The following VWDE variants were observed in gnomAD, a reference collection of about 807,000 sequenced individuals.
The protein encoded by VWDE is von Willebrand factor D and EGF domains.
Under a neutral mutation model 178.4 loss-of-function variants are expected in VWDE, and 207 were observed. The ratio of observed to expected loss-of-function variants is 1.16; its 90% CI spans 1.04 to 1.30. The LOEUF (loss-of-function observed/expected upper bound fraction) is 1.30. Among genes scored for constraint, VWDE ranks in the 50% most tolerant of loss-of-function variants. The pLI is 0.00. For synonymous variants in VWDE, 738 were observed against 651.4 expected (o/e 1.13, Z -2.02); for missense variants, 2,287 against 1,901.3 (o/e 1.20, Z -3.77).
chr7:12,362,918 G>C lies in VWDE; in HGVS notation c.2899-1397C>G, dbSNP rs985763261. Among the ~76,000 whole-genome samples, 3 of 152,090 alleles carry C rather than the reference G, an allele frequency of 2.0e-5. 1 individual carries two copies. The South Asian group carries it at 6.2e-4, about 32-fold the overall frequency. On this transcript the variant is annotated intron_variant, in intron 13 of 28. Transcript: ENST00000275358. The stretch of plus-strand genomic sequence containing the variant: ...ATGTACAGTCTCGGTTTCTTGTGCA[G>C]AAAGAAAGCTCCAGCTAATGACTGG...
rs935686076 is a variant in VWDE at position 12,389,280 on chromosome 7, T to C, written c.322A>G (p.Lys108Glu). The change falls in exon 3 of 29, where the codon AAG becomes GAG. Residue 108 changes from lysine to glutamate, a missense_variant. By Grantham distance (56) the Lys-to-Glu change is moderately conservative. Transcript: ENST00000275358. ...SETLPSPGEI[K>E]QLTACATWQF... ...CATGTTGCACAAGCTGTCAATTGCT[T>C]GATCTCCCCAGGAGATGGCAGTGTT... 1.8e-5 allele frequency: 28 copies of C among 1,551,586 alleles called. No individual in the cohort carries two copies. In the Admixed American group the frequency reaches 4.5e-4, roughly 25 times the overall value.
chr7:12,374,970 T>C, intron 8 of VWDE, 40 bp downstream of exon 8: 1 of 1,515,686 alleles, frequency 6.6e-7, no homozygotes, highest in East Asian at 2.5e-5. Flanking sequence ...CATTTCTTCT[T>C]AAAGCTTCAC....
intron 6 of VWDE, among the ~76,000 whole-genome samples, chr7:12,379,008 T>C (rs1365388202): frequency 6.6e-6 from 1 of 152,146 alleles, no homozygotes; most frequent in Non-Finnish European, 1.5e-5. Flanking sequence ...GAATAGCTCT[T>C]CAGTTCTTGG....
intron 19 of VWDE, among the ~76,000 whole-genome samples, chr7:12,348,067 A>G (rs909388571): frequency 9.2e-5 from 14 of 152,172 alleles, no homozygotes; most frequent in Non-Finnish European, 1.9e-4. Flanking sequence ...TTATACAAAA[A>G]TCAATTCAAG....
At chr7:12,337,323 C>G in intron 24 of VWDE, 51 bp from the exon 25 acceptor site, 2 of 1,388,222 alleles carry the variant, frequency 1.4e-6, no homozygotes, top group Non-Finnish European at 2.0e-6. Context: ...CCCATTACTA[C>G]ATATGATACA....
At chr7:12,340,470 T>A (rs1452238493) in intron 23 of VWDE, 53 bp from the exon 24 acceptor site, 3 of 1,378,754 alleles carry the variant, frequency 2.2e-6, no homozygotes, top group South Asian at 1.3e-5. Context: ...ATTTAAAAAA[T>A]GAAAGCTGCA....
At chr7:12,376,321 A>G (rs1457117633) in intron 7 of VWDE, among the ~76,000 whole-genome samples, 4 of 151,012 alleles carry the variant, frequency 2.6e-5, no homozygotes, top group Admixed American at 2.0e-4. Flanking sequence ...TCCCTATGAA[A>G]GTAAAGATTT....
At position 12,344,463 on chromosome 7, in the gene VWDE, C is replaced by A. The variant is rs17165872; in HGVS notation, c.3893G>T (p.Cys1298Phe). 10,553 of 1,546,286 alleles carry A rather than the reference C, an allele frequency of 6.8e-3. 668 individuals carry two copies. The African/African-American group carries it at 0.13, about 19-fold the overall frequency. Residue 1298 changes from cysteine to phenylalanine, a missense_variant, in exon 20 of 29, where the codon TGT becomes TTT. By Grantham distance (205) the Cys-to-Phe change is radical. Coordinates refer to ENST00000275358, the MANE Select transcript of VWDE (RefSeq NM_001135924.3). ...KPTSGNAFTI[C>F]KYPCGKSREC... ...CCTACTTTTTCCACATGGATATTTACAAATGGCTAAAAAAAAATCAAAGAA... is the reference window on the plus strand; with the variant it reads ...CCTACTTTTTCCACATGGATATTTAAAAATGGCTAAAAAAAAATCAAAGAA...
intron 22 of VWDE, 131 bp downstream of exon 22, chr7:12,342,952 G>A (rs1200505052): frequency 1.8e-5 from 10 of 547,382 alleles, no homozygotes; most frequent in Admixed American, 1.4e-4. Context: ...TTGTCCTTGC[G>A]ATAGTTTACA....
intron 27 of VWDE, among the ~76,000 whole-genome samples, chr7:12,335,438 G>A (rs1445000468): frequency 6.6e-6 from 1 of 151,910 alleles, no homozygotes; most frequent in African/African-American, 2.4e-5. Flanking sequence ...GAAATTTAGA[G>A]TGACTATTTT....
intron 19 of VWDE, among the ~76,000 whole-genome samples, chr7:12,347,507 C>A (rs1458414057): frequency 2.0e-5 from 3 of 151,904 alleles, no homozygotes; most frequent in Non-Finnish European, 4.4e-5. Flanking sequence ...TAAAGCCACA[C>A]TAATCAAAAA....
rs548566837 is a variant in VWDE, at chr7:12,351,603, G to A, written c.3856C>T (p.His1286Tyr). ...DDKNAQGRKR[H>Y]VKPTSGNAFT... ...GCATTTCCACTTGTTGGCTTAACAT[G>A]CCTCTTTCTCCCTTGGGCATTTTTA... Residue 1286 changes from histidine (H) to tyrosine (Y), a missense_variant, in exon 19 of 29, where the codon CAT becomes TAT. Coordinates refer to ENST00000275358, the MANE Select transcript of VWDE (RefSeq NM_001135924.3). 6.5e-7 allele frequency: 1 copy of A among 1,549,460 alleles called. No homozygotes were observed. Among genetic ancestry groups the A allele is most frequent in the South Asian group, 1.2e-5 (1 of 83,686 alleles).
chr7:12,380,768 C>T (rs17165962), intron 4 of VWDE, 35 bp from the exon 5 acceptor site: 1 of 1,548,078 alleles, frequency 6.5e-7, no homozygotes, highest in Non-Finnish European at 8.7e-7. Context: ...AACTGGGAAT[C>T]TTAGACAATG....
Position 12,337,261 on chromosome 7 carries a change from G to A in VWDE, c.4378C>T (p.Pro1460Ser), listed in dbSNP as rs1781094717. 1 of 1,551,582 alleles carries A rather than the reference G, an allele frequency of 6.4e-7. No homozygotes were observed. Among genetic ancestry groups the A allele is most frequent in the Admixed American group, 2.0e-5 (1 of 50,982 alleles). Residue 1460 changes from proline to serine, a missense_variant, in exon 25 of 29, where the codon CCT becomes TCT. By Grantham distance (74) the Pro-to-Ser change is moderately conservative. Transcript: ENST00000275358. ...GEHCQNAFCHPPCKNGGHCMR... is the reference protein window; with the variant it reads ...GEHCQNAFCHSPCKNGGHCMR... Reference sequence around the variant, plus strand: ...CAGTGGCCACCATTCTTACAGGGAGGGTGACAGAAAGCTAAAAGAACACAT... The same window carrying A: ...CAGTGGCCACCATTCTTACAGGGAGAGTGACAGAAAGCTAAAAGAACACAT...
chr7:12,394,823 T>A (rs1301970779), intron 1 of VWDE, among the ~76,000 whole-genome samples: 1 of 152,110 alleles, frequency 6.6e-6, no homozygotes, highest in Admixed American at 6.6e-5. Flanking sequence ...TGGAAAAACC[T>A]TATCTAACTA....
At chr7:12,353,628 A>G (rs1206493802) in intron 18 of VWDE, among the ~76,000 whole-genome samples, 1 of 64,750 alleles carries the variant, frequency 1.5e-5, no homozygotes, top group South Asian at 5.6e-4. Context: ...CTTTTTTCCT[A>G]TATATTTGAA....
At chr7:12,353,885 TGG>T (rs1782075063) in intron 18 of VWDE, 3 of 1,480 alleles carry the variant, frequency 2.0e-3, no homozygotes, top group African/African-American at 8.9e-3. Context: ...CTATTCACAG[TGG>T]CTGGCTGCCC....
chr7:12,330,979 A>G lies in VWDE; in HGVS notation c.*204T>C, dbSNP rs887139699. 8.0e-6 allele frequency: 4 copies of G among 502,264 alleles called. No individual in the cohort carries two copies. Among genetic ancestry groups the G allele is most frequent in the South Asian group, 2.8e-5 (1 of 36,016 alleles). 31.1% of individuals were successfully genotyped at this position (502,264 alleles called of 1,614,324 possible). A position where few individuals can be genotyped will look rare whatever the true frequency, so the allele number is the denominator to read the frequency against. On this transcript the variant is annotated 3_prime_UTR_variant, in exon 29 of 29. Coordinates refer to ENST00000275358, the MANE Select transcript of VWDE (RefSeq NM_001135924.3). ...TATGTAAATATCCTATCCCATCTCA[A>G]CATCAAATTTAGATTACCTGGATTT...
At chr7:12,387,427 G>A (rs1784156821) in intron 3 of VWDE, among the ~76,000 whole-genome samples, 1 of 152,018 alleles carries the variant, frequency 6.6e-6, no homozygotes, top group Non-Finnish European at 1.5e-5. Flanking sequence ...AGAGATTTCT[G>A]AGAATGCTAG....
Sources: gnomAD v4.1 joint callset for allele counts (sites outside exome capture counted in the v4.1 genomes callset) on GRCh38, gnomAD v4.1.1 for gene constraint, MANE v1.5 for transcripts, NCBI Gene and HGNC (gene_info 2026-07-23, HGNC 2026-07-21) for gene names.